Variants in LYPLAL1 observed in about 807,000 individuals in gnomAD.
The protein encoded by LYPLAL1 is lysophospholipase-like protein 1.
Under a neutral mutation model 19.7 loss-of-function variants are expected in LYPLAL1, and 23 were observed. That is an observed-to-expected ratio of 1.17 (90% CI 0.84 to 1.65). The LOEUF (loss-of-function observed/expected upper bound fraction) is 1.65, where lower values mean the gene tolerates loss of function less well. Ranked by LOEUF, LYPLAL1 falls within the 40% of genes most tolerant of loss-of-function variation. The pLI is 0.00. For missense variants in LYPLAL1, 355 were observed against 279.4 expected (o/e 1.27, Z -1.93); for synonymous variants, 119 against 96.3 (o/e 1.24, Z -1.38).
At chr1:219,389,943 T>C in the LYPLAL1 span, among the ~76,000 whole-genome samples, 8 of 152,178 alleles carry the variant, frequency 5.3e-5, no homozygotes, top group Non-Finnish European at 1.2e-4. Context: ...TTAGAAGACC[T>C]CAATATCTGT....
At chr1:219,295,883 A>C in the LYPLAL1 span, among the ~76,000 whole-genome samples, 1 of 152,166 alleles carries the variant, frequency 6.6e-6, no homozygotes, top group Non-Finnish European at 1.5e-5. Flanking sequence ...TAAATCCCCC[A>C]GCCTTCTGGC....
chr1:219,246,752 A>G, the LYPLAL1 span, among the ~76,000 whole-genome samples: 3 of 152,032 alleles, frequency 2.0e-5, no homozygotes, highest in East Asian at 5.8e-4. Context: ...TGCCCAGCTA[A>G]TTGTTGTATT....
At chr1:219,340,791 A>G in the LYPLAL1 span, among the ~76,000 whole-genome samples, 1 of 152,068 alleles carries the variant, frequency 6.6e-6, no homozygotes, top group African/African-American at 2.4e-5. Context: ...ATCATCATTT[A>G]TTACTAGTCT....
the LYPLAL1 span, among the ~76,000 whole-genome samples, chr1:219,436,610 G>A: frequency 6.6e-6 from 1 of 152,142 alleles, no homozygotes; most frequent in East Asian, 1.9e-4. Context: ...AGCCAGAGCA[G>A]ACCCTTAAGT....
chr1:219,373,186 T>G, the LYPLAL1 span, among the ~76,000 whole-genome samples: 1 of 152,172 alleles, frequency 6.6e-6, no homozygotes, highest in African/African-American at 2.4e-5. Flanking sequence ...AACATACATA[T>G]GAAAGCAGGG....
chr1:219,293,447 C>T, the LYPLAL1 span, among the ~76,000 whole-genome samples: 3 of 151,740 alleles, frequency 2.0e-5, no homozygotes, highest in South Asian at 2.1e-4. Flanking sequence ...TAGTCTCTCT[C>T]CCCCCAGCTC....
chr1:219,402,058 A>G, the LYPLAL1 span, among the ~76,000 whole-genome samples: 11 of 152,226 alleles, frequency 7.2e-5, no homozygotes, highest in Admixed American at 6.5e-4. Flanking sequence ...TGGACAATTC[A>G]TCATATATTA....
At chr1:219,400,629 G>A in the LYPLAL1 span, among the ~76,000 whole-genome samples, 4,384 of 152,078 alleles carry the variant, frequency 0.029, 107 homozygotes, top group South Asian at 0.12. Flanking sequence ...CGAGTAGCTG[G>A]GATTACAGGT....
the LYPLAL1 span, chr1:219,409,933 C>A: frequency 3.3e-5 from 5 of 152,170 alleles, no homozygotes; most frequent in Non-Finnish European, 5.9e-5. Flanking sequence ...TTTATCTTAT[C>A]AAAATAATTT....
At chr1:219,416,381 C>T in the LYPLAL1 span, among the ~76,000 whole-genome samples, 1 of 152,094 alleles carries the variant, frequency 6.6e-6, no homozygotes, top group South Asian at 2.1e-4. Flanking sequence ...ATGTTTTTCT[C>T]ATGATTTTGG....
At chr1:219,373,316 A>G in the LYPLAL1 span, among the ~76,000 whole-genome samples, 2 of 152,184 alleles carry the variant, frequency 1.3e-5, no homozygotes, top group Non-Finnish European at 2.9e-5. Flanking sequence ...TGAAGTCAAG[A>G]TAGTCGTGGT....
chr1:219,177,945 C>A (rs1027868682), intron 1 of LYPLAL1, among the ~76,000 whole-genome samples: 2 of 152,192 alleles, frequency 1.3e-5, no homozygotes, highest in African/African-American at 2.4e-5. Context: ...TCAGTTCTTA[C>A]ATGTCATACT....
chr1:219,174,018 C>T (rs772166122), intron 1 of LYPLAL1, 37 bp downstream of exon 1: 9 of 1,613,054 alleles, frequency 5.6e-6, no homozygotes, highest in Middle Eastern at 1.6e-4. Flanking sequence ...TTCTACAGCT[C>T]GGGAAACATC....
At chr1:219,326,071 G>A in the LYPLAL1 span, among the ~76,000 whole-genome samples, 1 of 151,990 alleles carries the variant, frequency 6.6e-6, no homozygotes, top group Non-Finnish European at 1.5e-5. Flanking sequence ...CCACCACTAT[G>A]CCCTGCTAAT....
At chr1:219,308,647 C>A in the LYPLAL1 span, among the ~76,000 whole-genome samples, 17 of 152,172 alleles carry the variant, frequency 1.1e-4, no homozygotes, top group African/African-American at 4.1e-4. Flanking sequence ...GTGCAAGCCT[C>A]AAGCCATGGC....
At chr1:219,442,887 C>T in the LYPLAL1 span, among the ~76,000 whole-genome samples, 1 of 152,130 alleles carries the variant, frequency 6.6e-6, no homozygotes, top group African/African-American at 2.4e-5. Flanking sequence ...AAGATTGACT[C>T]ATGCAGAGAA....
chr1:219,420,146 A>G, the LYPLAL1 span, among the ~76,000 whole-genome samples: 2 of 152,240 alleles, frequency 1.3e-5, no homozygotes, highest in Admixed American at 1.3e-4. Context: ...AAAGGAATTG[A>G]CTTGTGAACT....
chr1:219,179,431 G>A (rs1340128011), intron 2 of LYPLAL1, 185 bp downstream of exon 2: 1 of 543,320 alleles, frequency 1.8e-6, no homozygotes, highest in African/African-American at 2.0e-5. Flanking sequence ...TGCCAGGTGA[G>A]TAATTTATTC....
At chr1:219,177,781 A>C (rs1655946367) in intron 1 of LYPLAL1, among the ~76,000 whole-genome samples, 1 of 152,124 alleles carries the variant, frequency 6.6e-6, no homozygotes, top group South Asian at 2.1e-4. Flanking sequence ...CTCTCTTTCA[A>C]TTCTGTCTTG....
Sources: gnomAD v4.1 joint callset for allele counts (sites outside exome capture counted in the v4.1 genomes callset) on GRCh38, gnomAD v4.1.1 for gene constraint, MANE v1.5 for transcripts, NCBI Gene and HGNC (gene_info 2026-07-23, HGNC 2026-07-21) for gene names.